The following HNRNPH3 variants were observed in gnomAD, a reference collection of about 807,000 sequenced individuals.
The protein encoded by HNRNPH3 is heterogeneous nuclear ribonucleoprotein 2H9.
A neutral mutation model predicts 47.0 loss-of-function variants in HNRNPH3; 7 were observed. The ratio of observed to expected loss-of-function variants is 0.15; its 90% CI spans 0.08 to 0.28. The LOEUF (loss-of-function observed/expected upper bound fraction) is 0.28, where lower values mean the gene tolerates loss of function less well. Among genes scored for constraint, HNRNPH3 ranks in the 10% least tolerant of loss-of-function variants. The pLI is 1.00. For synonymous variants in HNRNPH3, 120 were observed against 143.2 expected (o/e 0.84, Z 1.16); for missense variants, 279 against 449.6 (o/e 0.62, Z 3.43).
chr10:68,336,789 A>G (rs1298527190), intron 1 of HNRNPH3: 1 of 156,338 alleles, frequency 6.4e-6, no homozygotes, highest in African/African-American at 2.4e-5. Context: ...CTGGTATTAT[A>G]TGCAACTTCT....
In HNRNPH3 at chr10:68,337,688, C is replaced by T. The variant is rs2045612575; in HGVS notation, c.113-170C>T. On this transcript the variant is annotated intron_variant, in intron 2 of 9. Transcript: ENST00000265866. The surrounding 1 kb of genome is among the most constrained non-coding windows in gnomAD (Gnocchi z 4.5). ...ACTGGTCGCAAAAAATTTATTTAAT[C>T]CAGTAATATTTGAAAAAATCTTTCA... 1 of 593,242 alleles carries T rather than the reference C, an allele frequency of 1.7e-6. No individual in the cohort carries two copies. Among genetic ancestry groups the T allele is most frequent in the African/African-American group, 1.9e-5 (1 of 53,732 alleles). 36.7% of individuals were successfully genotyped at this position (593,242 alleles called of 1,614,324 possible).
At position 68,342,817 on chromosome 10, in the gene HNRNPH3, T is replaced by G. The variant is rs1209218759; in HGVS notation, c.*763T>G. The G allele has an allele frequency of 6.6e-6, 1 of 152,600 alleles. No individual in the cohort carries two copies. 9.5% of individuals were successfully genotyped at this position (152,600 alleles called of 1,614,324 possible). On this transcript the variant is annotated 3_prime_UTR_variant, in exon 10 of 10. Coordinates refer to ENST00000265866, the MANE Select transcript of HNRNPH3 (RefSeq NM_012207.3). Reference sequence around the variant, plus strand: ...TTAAGGTTCTCAGTGACACAAGAATTCAGTATTAAGTACATAGGTATTTAC... The same window carrying G: ...TTAAGGTTCTCAGTGACACAAGAATGCAGTATTAAGTACATAGGTATTTAC...
chr10:68,337,264 G>A lies in HNRNPH3; in HGVS notation c.43G>A (p.Asp15Asn). 1 of 1,613,478 alleles carries A rather than the reference G, an allele frequency of 6.2e-7. No individual in the cohort carries two copies. Among genetic ancestry groups the A allele is most frequent in the Non-Finnish European group, 8.5e-7 (1 of 1,179,380 alleles). ...MKHNGPNDAS[D>N]GTVRLRGLPF... Reference sequence around the variant, plus strand: ...ACATAATGGTCCAAATGACGCTAGTGATGGGACAGTACGACTTCGTGGACT... The same window carrying A: ...ACATAATGGTCCAAATGACGCTAGTAATGGGACAGTACGACTTCGTGGACT... The change falls in exon 2 of 10, where the codon GAT (aspartate) becomes AAT (asparagine). Residue 15 changes from aspartate (D) to asparagine (N), a missense_variant. By Grantham distance (23) the Asp-to-Asn change is conservative. Transcript: ENST00000265866. The surrounding 1 kb of genome is among the most constrained non-coding windows in gnomAD (Gnocchi z 4.5).
intron 1 of HNRNPH3, chr10:68,336,889 T>TG (rs1292862499): frequency 3.3e-5 from 7 of 214,718 alleles, no homozygotes; most frequent in African/African-American, 1.6e-4. Context: ...AGGCTAGAGT[T>TG]GGCATTCAGG....
At position 68,340,656 on chromosome 10, in the gene HNRNPH3, T is replaced by A. The variant is rs143375731; in HGVS notation, c.640-518T>A. Among the ~76,000 whole-genome samples the A allele has an allele frequency of 1.0e-3, 153 of 152,368 alleles. 1 individual carries two copies. Among genetic ancestry groups the A allele is most frequent in the African/African-American group, 3.6e-3 (149 of 41,596 alleles). ...ATCAGCTGGCCTGAGTTCCAACTGC[T>A]TTTAATGATAGTTTAAAACCTGGCT... On this transcript the variant is annotated intron_variant, in intron 6 of 9. Transcript: ENST00000265866.
chr10:68,341,775 T>C lies in HNRNPH3; in HGVS notation c.888T>C (p.Tyr296=), dbSNP rs770923382. Residue 296 remains tyrosine, a synonymous_variant, in exon 9 of 10, where the codon TAT becomes TAC. Coordinates refer to ENST00000265866, the MANE Select transcript of HNRNPH3 (RefSeq NM_012207.3). ...GRDGMDNQGG[Y]GSVGRMGMGN... ...TTTTTAAAGATAATCAGGGAGGCTATGGATCAGTTGGAAGAATGGGAATGG... is the reference window on the plus strand; with the variant it reads ...TTTTTAAAGATAATCAGGGAGGCTACGGATCAGTTGGAAGAATGGGAATGG... 5.0e-6 allele frequency: 8 copies of C among 1,607,126 alleles called. No homozygotes were observed. Among genetic ancestry groups the C allele is most frequent in the Non-Finnish European group, 6.8e-6 (8 of 1,177,210 alleles).
intron 1 of HNRNPH3, 73 bp downstream of exon 1, chr10:68,332,289 G>A (rs560106407): frequency 6.6e-6 from 1 of 152,286 alleles, no homozygotes; most frequent in Non-Finnish European, 1.5e-5. Flanking sequence ...CGAAAGGCCG[G>A]GAGGGGCTGG....
chr10:68,339,624 AATGTTCTC>A, intron 6 of HNRNPH3, 69 bp downstream of exon 6: 1 of 953,884 alleles, frequency 1.0e-6, no homozygotes, highest in Non-Finnish European at 1.6e-6. Context: ...AAGCATTCTT[AATGTTCTC>A]ATGTTTATAG....
At chr10:68,336,603 T>TGAA (rs1385709284) in intron 1 of HNRNPH3, among the ~76,000 whole-genome samples, 1 of 152,162 alleles carries the variant, frequency 6.6e-6, no homozygotes, top group Admixed American at 6.5e-5. Context: ...ATCTTGCTCT[T>TGAA]GGTGAGTTTA....
In HNRNPH3 at chr10:68,342,454, A is replaced by G. The variant is rs1292648590; in HGVS notation, c.*400A>G. ...GCAGACATCTGGAATAGAGCTTGAC[A>G]AATAATTAGTGTAACTTTTTTCTTT... On this transcript the variant is annotated 3_prime_UTR_variant, in exon 10 of 10. Coordinates refer to ENST00000265866, the MANE Select transcript of HNRNPH3 (RefSeq NM_012207.3). 1 of 157,970 alleles carries G rather than the reference A, an allele frequency of 6.3e-6. No homozygotes were observed. Among genetic ancestry groups the G allele is most frequent in the Admixed American group, 6.3e-5 (1 of 15,974 alleles). The allele number at this position is 157,970 out of a possible 1,614,324, so 9.8% of individuals were successfully genotyped here.
Position 68,332,086 on chromosome 10 carries a change from C to G in HNRNPH3, c.-154C>G, listed in dbSNP as rs1445767118. 6.6e-6 allele frequency: 1 copy of G among 152,392 alleles called. No individual in the cohort carries two copies. Among genetic ancestry groups the G allele is most frequent in the Non-Finnish European group, 1.5e-5 (1 of 68,150 alleles). 9.4% of individuals were successfully genotyped at this position (152,392 alleles called of 1,614,324 possible). On this transcript the variant is annotated 5_prime_UTR_variant, in exon 1 of 10. Transcript: ENST00000265866. ...GCCAGTAGCTGTGCTGCGCAGCTCC[C>G]TAAGCGGTTGTCACCGCTGGAGACG... is the stretch of plus-strand genomic sequence containing the variant.
chr10:68,339,175 AATT>A lies in HNRNPH3; in HGVS notation c.474_476del (p.Tyr159del), dbSNP rs1258366807. On this transcript the variant is annotated inframe_deletion, in exon 5 of 10. Transcript: ENST00000265866. ...TTTTGATGACTATGGTGGCTATAAT[AATT>A]ACGGCTATGGGAATGATGGCTTTGA... 6.2e-7 allele frequency: 1 copy of A among 1,610,788 alleles called. No individual in the cohort carries two copies. Among genetic ancestry groups the A allele is most frequent in the Non-Finnish European group, 8.5e-7 (1 of 1,177,020 alleles).
rs577732658 is a variant in HNRNPH3 at position 68,339,463 on chromosome 10, G to A, written c.547G>A (p.Gly183Arg). The A allele has an allele frequency of 1.2e-6, 2 of 1,613,886 alleles. No individual in the cohort carries two copies. Among genetic ancestry groups the A allele is most frequent in the African/African-American group, 1.3e-5 (1 of 75,006 alleles). ...AGGTATGGGAGGACATGGCTATGGT[G>A]GAGCTGGTGATGCAAGTTCAGGTTT... is the stretch of plus-strand genomic sequence containing the variant. ...GRGMGGHGYG[G>R]AGDASSGFHG... Residue 183 changes from glycine (G) to arginine (R), a missense_variant, in exon 6 of 10, where the codon GGA becomes AGA. Transcript: ENST00000265866.
intron 3 of HNRNPH3, 31 bp downstream of exon 3, chr10:68,338,027 AT>A (rs1332282063): frequency 3.9e-6 from 6 of 1,538,536 alleles, no homozygotes; most frequent in Non-Finnish European, 5.3e-6. Context: ...ATGGTGTTAA[AT>A]TTTTATTTTT....
intron 4 of HNRNPH3, 56 bp from the exon 5 acceptor site, chr10:68,339,084 T>C: frequency 7.4e-7 from 1 of 1,358,920 alleles, no homozygotes; most frequent in Middle Eastern, 1.8e-4. Context: ...TAAACTAAAT[T>C]ATAAAATTTA....
chr10:68,342,302 T>TTA lies in HNRNPH3; in HGVS notation c.*249_*250dup. 2.5e-6 allele frequency: 1 copy of TTA among 394,704 alleles called. No individual in the cohort carries two copies. The allele number at this position is 394,704 out of a possible 1,614,324, so 24.5% of individuals were successfully genotyped here. ...GATGTTGATACTTTTTATATACTAGTTACTCCTAAAGATGTGCTGCCTTCA... is the reference window on the plus strand; with the variant it reads ...GATGTTGATACTTTTTATATACTAGTTATACTCCTAAAGATGTGCTGCCTTCA... On this transcript the variant is annotated 3_prime_UTR_variant, in exon 10 of 10. Coordinates refer to ENST00000265866, the MANE Select transcript of HNRNPH3 (RefSeq NM_012207.3).
chr10:68,337,159 T>C lies in HNRNPH3; in HGVS notation c.-23-40T>C. On this transcript the variant is annotated intron_variant, in intron 1 of 9. Transcript: ENST00000265866. This position sits in a 1 kb window ranked among gnomAD's most constrained non-coding sequence, Gnocchi z 4.5. ...TTCATTACCTCTTGACAAGAGTATA[T>C]TTTGATTGACTGCTCTATGTGCTTG... The C allele has an allele frequency of 1.0e-6, 1 of 978,748 alleles. No individual in the cohort carries two copies. The highest frequency in any genetic ancestry group is 2.1e-4 in the Middle Eastern group (1 of 4,710). 60.6% of individuals were successfully genotyped at this position (978,748 alleles called of 1,614,324 possible). A position where few individuals can be genotyped will look rare whatever the true frequency, so the allele number is the denominator to read the frequency against.
At chr10:68,340,700 AATG>A (rs1397007268) in intron 6 of HNRNPH3, among the ~76,000 whole-genome samples, 1 of 152,246 alleles carries the variant, frequency 6.6e-6, no homozygotes, top group East Asian at 1.9e-4. Context: ...ATTAGAACCA[AATG>A]ATATCTTTTG....
At chr10:68,335,477 T>A (rs1298517531) in intron 1 of HNRNPH3, among the ~76,000 whole-genome samples, 5 of 150,514 alleles carry the variant, frequency 3.3e-5, no homozygotes, top group Non-Finnish European at 4.4e-5. Context: ...TCTCTGAACT[T>A]TTTTTTTTTC....
Sources: gnomAD v4.1 joint callset for allele counts (sites outside exome capture counted in the v4.1 genomes callset) on GRCh38, gnomAD v4.1.1 for gene constraint, Gnocchi (gnomAD v3.1) non-coding constraint, MANE v1.5 for transcripts, NCBI Gene and HGNC (gene_info 2026-07-23, HGNC 2026-07-21) for gene names.